The following PRKCA variants were observed in gnomAD, a reference collection of about 807,000 sequenced individuals.
The protein encoded by PRKCA is protein kinase C alpha type.
Under a neutral mutation model 87.0 loss-of-function variants are expected in PRKCA, and 27 were observed. That is an observed-to-expected ratio of 0.31 (90% CI 0.23 to 0.43). The LOEUF (loss-of-function observed/expected upper bound fraction) is 0.43, where lower values mean the gene tolerates loss of function less well. Ranked by LOEUF, PRKCA falls within the 20% of genes least tolerant of loss-of-function variation. The pLI is 1.00. For synonymous variants in PRKCA, 329 were observed against 311.1 expected (o/e 1.06, Z -0.61); for missense variants, 518 against 852.3 (o/e 0.61, Z 4.88).
intron 16 of PRKCA, among the ~76,000 whole-genome samples, chr17:66,794,381 T>C (rs1975613312): frequency 6.6e-6 from 1 of 152,024 alleles, no homozygotes; most frequent in Non-Finnish European, 1.5e-5. Flanking sequence ...CACAAAGTCC[T>C]TCATTTCCCA....
chr17:66,627,562 C>G (rs917809572), intron 3 of PRKCA, among the ~76,000 whole-genome samples: 1 of 152,176 alleles, frequency 6.6e-6, no homozygotes, highest in Non-Finnish European at 1.5e-5. Context: ...AGGGCAGGTG[C>G]TAACAGACAA....
intron 13 of PRKCA, among the ~76,000 whole-genome samples, chr17:66,765,458 A>G (rs1314163331): frequency 9.5e-6 from 1 of 104,870 alleles, no homozygotes; most frequent in Non-Finnish European, 2.1e-5. Context: ...ATATATATCC[A>G]TATATATACA....
intron 13 of PRKCA, among the ~76,000 whole-genome samples, chr17:66,743,539 T>C (rs970247638): frequency 3.3e-5 from 5 of 152,262 alleles, no homozygotes; most frequent in African/African-American, 1.2e-4. Context: ...GCGGCTGTGC[T>C]GCTCTGCTTT....
chr17:66,681,920 G>T (rs560351636), intron 5 of PRKCA, among the ~76,000 whole-genome samples: 1 of 152,178 alleles, frequency 6.6e-6, no homozygotes, highest in Non-Finnish European at 1.5e-5. Flanking sequence ...TTCCTGTCTG[G>T]GTCCACATCT....
intron 2 of PRKCA, among the ~76,000 whole-genome samples, chr17:66,423,498 A>G (rs958498757): frequency 1.3e-5 from 2 of 152,246 alleles, no homozygotes; most frequent in African/African-American, 4.8e-5. Context: ...AAAGATGTTC[A>G]TTACTTACAG....
intron 3 of PRKCA, among the ~76,000 whole-genome samples, chr17:66,534,069 G>T (rs1016095558): frequency 1.2e-5 from 1 of 85,298 alleles, no homozygotes; most frequent in African/African-American, 4.2e-5. Context: ...GCTGCCCCCC[G>T]CACCCCCCCC....
intron 14 of PRKCA, among the ~76,000 whole-genome samples, chr17:66,781,868 G>GATAT (rs1201713784): frequency 8.1e-5 from 8 of 99,322 alleles, no homozygotes; most frequent in South Asian, 2.9e-4. Flanking sequence ...GAGAGAGAGA[G>GATAT]ATATATATAT....
In PRKCA at chr17:66,810,533, T is replaced by A. The variant is rs901815770; in HGVS notation, c.*6496T>A. On this transcript the variant is annotated 3_prime_UTR_variant, in exon 17 of 17. Transcript: ENST00000413366. ...AGAGACGGAGGTTGAGGTTTTTCCT[T>A]CTGTATAAGCACCTACTGACAAAAT... is the stretch of plus-strand genomic sequence containing the variant. 2.0e-5 allele frequency: 3 copies of A among 152,190 alleles called. No individual in the cohort carries two copies. Among genetic ancestry groups the A allele is most frequent in the Non-Finnish European group, 4.4e-5 (3 of 68,042 alleles). 9.4% of individuals were successfully genotyped at this position (152,190 alleles called of 1,614,324 possible).
At chr17:66,411,979 A>G (rs1287159563) in intron 2 of PRKCA, among the ~76,000 whole-genome samples, 1 of 150,058 alleles carries the variant, frequency 6.7e-6, no homozygotes, top group Non-Finnish European at 1.5e-5. Context: ...CTGAGAGATC[A>G]TTATTTTTCA....
intron 3 of PRKCA, among the ~76,000 whole-genome samples, chr17:66,552,920 C>CT: frequency 6.6e-6 from 1 of 152,014 alleles, no homozygotes. Context: ...CCAAGTATGT[C>CT]TTTTTAGTAG....
chr17:66,643,881 A>G (rs577892262), intron 4 of PRKCA, among the ~76,000 whole-genome samples: 1 of 152,182 alleles, frequency 6.6e-6, no homozygotes, highest in African/African-American at 2.4e-5. Context: ...GAGTGGGCCA[A>G]CCTCTCACTT....
chr17:66,456,658 T>C (rs1292764200), intron 2 of PRKCA, among the ~76,000 whole-genome samples: 1 of 152,128 alleles, frequency 6.6e-6, no homozygotes, highest in Non-Finnish European at 1.5e-5. Flanking sequence ...TGGAGATTAT[T>C]TGGGGACTGA....
At chr17:66,466,442 G>A (rs3848426) in intron 2 of PRKCA, among the ~76,000 whole-genome samples, 45,213 of 152,032 alleles carry the variant, frequency 0.3, 7,035 homozygotes, top group Middle Eastern at 0.43. Flanking sequence ...GAACTTGCTT[G>A]TGGAGCTGAG....
At position 66,520,513 on chromosome 17, in the gene PRKCA, T is replaced by C. The variant is rs968412984; in HGVS notation, c.288+24230T>C. ...ACTCCTGGCCTCAAGCAATCCTGCC[T>C]CAGCCTCCCAGAGTGCTGGGATTAC... On this transcript the variant is annotated intron_variant, in intron 3 of 16. Transcript: ENST00000413366. Among the ~76,000 whole-genome samples, 2 of 152,214 alleles carry C rather than the reference T, an allele frequency of 1.3e-5. 1 individual carries two copies. The highest frequency in any genetic ancestry group is 1.3e-4 in the Admixed American group (2 of 15,276).
chr17:66,501,103 G>A (rs1355286982), intron 3 of PRKCA, among the ~76,000 whole-genome samples: 1 of 152,084 alleles, frequency 6.6e-6, no homozygotes. Flanking sequence ...CTCAAATATT[G>A]TACCTGCTCT....
In PRKCA at chr17:66,694,468, G is replaced by A. The variant is rs1445824427; in HGVS notation, c.918+5421G>A. Among the ~76,000 whole-genome samples, 11 of 112,310 alleles carry A rather than the reference G, an allele frequency of 9.8e-5. No individual in the cohort carries two copies. The East Asian group carries it at 1.1e-3, about 11-fold the overall frequency. 73.7% of individuals were successfully genotyped at this position (112,310 alleles called of 152,430 possible). A position where few individuals can be genotyped will look rare whatever the true frequency, so the allele number is the denominator to read the frequency against. ...TGCACTCCAGCTTGGGCGACAGAGC[G>A]AGACTCTGTCTCAAAAAAAAAAAAA... On this transcript the variant is annotated intron_variant, in intron 8 of 16. Transcript: ENST00000413366.
chr17:66,617,909 A>C (rs1419134030), intron 3 of PRKCA, among the ~76,000 whole-genome samples: 4 of 152,276 alleles, frequency 2.6e-5, no homozygotes, highest in South Asian at 4.2e-4. Context: ...CTAATTTCTC[A>C]ACCTTTCAGG....
Position 66,803,422 on chromosome 17 carries a change from C to A in PRKCA, c.1855-451C>A, listed in dbSNP as rs771837341. On this transcript the variant is annotated intron_variant, in intron 16 of 16. Transcript: ENST00000413366. This position sits in a 1 kb window ranked among gnomAD's most constrained non-coding sequence, Gnocchi z 4.4. Reference sequence around the variant, plus strand: ...AGTTTTTACTTCACTACAAATATTGCGGCAAAAAAACAGATGTGGGGCAGT... The same window carrying A: ...AGTTTTTACTTCACTACAAATATTGAGGCAAAAAAACAGATGTGGGGCAGT... Among the ~76,000 whole-genome samples, 2 of 152,150 alleles carry A rather than the reference C, an allele frequency of 1.3e-5. No homozygotes were observed. Among genetic ancestry groups the A allele is most frequent in the South Asian group, 2.1e-4 (1 of 4,836 alleles).
At chr17:66,371,498 G>T (rs1909104938) in intron 2 of PRKCA, among the ~76,000 whole-genome samples, 2 of 152,196 alleles carry the variant, frequency 1.3e-5, no homozygotes, top group East Asian at 1.9e-4. Context: ...GACCCAGACT[G>T]CCTGGGTTTA....
Sources: allele counts gnomAD v4.1 joint callset (sites outside exome capture counted in the v4.1 genomes callset), GRCh38; gene constraint gnomAD v4.1.1; non-coding constraint Gnocchi (gnomAD v3.1); transcripts MANE v1.5; gene names NCBI Gene and HGNC (gene_info 2026-07-23, HGNC 2026-07-21).